The following CDH13 variants were observed in gnomAD, a reference collection of about 807,000 sequenced individuals.
CDH13 encodes cadherin-13.
A neutral mutation model predicts 63.8 loss-of-function variants in CDH13; 24 were observed. That is an observed-to-expected ratio of 0.38 (90% CI 0.27 to 0.53). The LOEUF is 0.53. Among genes scored for constraint, CDH13 ranks in the 20% least tolerant of loss-of-function variants. The pLI, the probability that CDH13 is intolerant of heterozygous loss-of-function variation, is 0.85. For missense variants in CDH13, 1,049 were observed against 903.1 expected (o/e 1.16, Z -2.07); for synonymous variants, 503 against 355.3 (o/e 1.42, Z -4.67).
intron 1 of CDH13, among the ~76,000 whole-genome samples, chr16:82,713,365 G>T (rs757422015): frequency 6.6e-6 from 1 of 152,092 alleles, no homozygotes; most frequent in Non-Finnish European, 1.5e-5. Context: ...CTGATTTGAA[G>T]TACCTGCATG....
chr16:83,301,670 C>T (rs770239196), intron 5 of CDH13, among the ~76,000 whole-genome samples: 12 of 152,118 alleles, frequency 7.9e-5, no homozygotes, highest in African/African-American at 2.7e-4. Context: ...TTGAAATCTC[C>T]AGCTTGAACG....
At chr16:83,476,794 A>G (rs1322731712) in intron 6 of CDH13, among the ~76,000 whole-genome samples, 2 of 152,240 alleles carry the variant, frequency 1.3e-5, no homozygotes, top group East Asian at 1.9e-4. Context: ...GGCTAATTCA[A>G]TATAAAGAGT....
At chr16:82,797,242 A>G (rs2036627266) in intron 1 of CDH13, among the ~76,000 whole-genome samples, 1 of 152,210 alleles carries the variant, frequency 6.6e-6, no homozygotes, top group Admixed American at 6.5e-5. Flanking sequence ...GTGTGTTACC[A>G]GTGTGATTTG....
At chr16:83,400,307 A>G (rs1326777286) in intron 6 of CDH13, among the ~76,000 whole-genome samples, 1 of 152,166 alleles carries the variant, frequency 6.6e-6, no homozygotes, top group Non-Finnish European at 1.5e-5. Flanking sequence ...GTTAGAGATC[A>G]AGTGTTTGGC....
At chr16:83,791,784 C>T (rs1332935186) in intron 13 of CDH13, among the ~76,000 whole-genome samples, 1 of 144,364 alleles carries the variant, frequency 6.9e-6, no homozygotes, top group Non-Finnish European at 1.5e-5. Flanking sequence ...GCACTCCAGC[C>T]TGGGCAACAG....
At chr16:82,814,098 G>C (rs1253782053) in intron 1 of CDH13, among the ~76,000 whole-genome samples, 1 of 152,080 alleles carries the variant, frequency 6.6e-6, no homozygotes, top group African/African-American at 2.4e-5. Flanking sequence ...AAAGTGCCTG[G>C]CTGTGATTAT....
intron 7 of CDH13, among the ~76,000 whole-genome samples, chr16:83,579,926 G>A (rs1431464710): frequency 1.3e-5 from 2 of 152,150 alleles, no homozygotes; most frequent in Admixed American, 6.5e-5. Flanking sequence ...CTATGAGCAT[G>A]TGCTTACCTG....
At chr16:83,564,197 G>A (rs771105759) in intron 7 of CDH13, among the ~76,000 whole-genome samples, 2 of 152,118 alleles carry the variant, frequency 1.3e-5, no homozygotes, top group Non-Finnish European at 2.9e-5. Flanking sequence ...CAGGTACCAG[G>A]TGAATCCCCA....
At chr16:82,670,023 G>T (rs1282846960) in intron 1 of CDH13, among the ~76,000 whole-genome samples, 1 of 152,336 alleles carries the variant, frequency 6.6e-6, no homozygotes, top group South Asian at 2.1e-4. Context: ...TCAAGGAGCA[G>T]ATACGGACTG....
intron 1 of CDH13, among the ~76,000 whole-genome samples, chr16:82,754,715 C>CA (rs1320870478): frequency 1.3e-5 from 2 of 152,122 alleles, no homozygotes. Context: ...GATTATATGG[C>CA]AAAATGCAAA....
chr16:83,202,440 A>G (rs1384578568), intron 4 of CDH13, among the ~76,000 whole-genome samples: 1 of 152,304 alleles, frequency 6.6e-6, no homozygotes, highest in Admixed American at 6.5e-5. Context: ...GATTTTAATC[A>G]GGGCATGATC....
intron 5 of CDH13, among the ~76,000 whole-genome samples, chr16:83,221,716 G>T (rs533327691): frequency 6.6e-6 from 1 of 152,170 alleles, no homozygotes; most frequent in South Asian, 2.1e-4. Context: ...AGGAAGCATG[G>T]CCAAGACCAT....
Position 83,179,320 on chromosome 16 carries a change from C to T in CDH13, c.484-38025C>T, listed in dbSNP as rs554366002. ...CCTTAAATCTCTCAACCCTATCAGG[C>T]ACATGCTAACAGGACCATGATTTTA... On this transcript the variant is annotated intron_variant, in intron 4 of 13. Transcript: ENST00000567109. 1.7e-4 allele frequency among the ~76,000 whole-genome samples: 26 copies of T among 152,066 alleles called. No individual in the cohort carries two copies. The South Asian group carries it at 5.2e-3, about 30-fold the overall frequency.
intron 4 of CDH13, among the ~76,000 whole-genome samples, chr16:83,191,520 C>T (rs1305256593): frequency 2.5e-4 from 22 of 88,470 alleles, no homozygotes; most frequent in Non-Finnish European, 3.8e-4. Flanking sequence ...CACACACACA[C>T]ACACACACAC....
At chr16:83,594,495 C>A (rs1315188710) in intron 7 of CDH13, among the ~76,000 whole-genome samples, 2 of 152,112 alleles carry the variant, frequency 1.3e-5, no homozygotes, top group African/African-American at 4.8e-5. Flanking sequence ...CTTCGTGGAG[C>A]CTCTGTGCTG....
At chr16:83,228,777 A>C (rs1016006302) in intron 5 of CDH13, among the ~76,000 whole-genome samples, 3 of 152,196 alleles carry the variant, frequency 2.0e-5, no homozygotes, top group African/African-American at 7.2e-5. Flanking sequence ...GAGCTTAGAC[A>C]TGATACTCCT....
At chr16:83,017,516 C>T (rs1224507111) in intron 2 of CDH13, among the ~76,000 whole-genome samples, 1 of 152,194 alleles carries the variant, frequency 6.6e-6, no homozygotes. Context: ...GATGTGTGAC[C>T]TTAAGAAATG....
At chr16:83,716,165 G>C (rs1270897567) in intron 10 of CDH13, among the ~76,000 whole-genome samples, 3 of 152,114 alleles carry the variant, frequency 2.0e-5, no homozygotes, top group African/African-American at 7.2e-5. Flanking sequence ...GGTACAGGGA[G>C]TTCTCACATG....
intron 1 of CDH13, among the ~76,000 whole-genome samples, chr16:82,674,979 C>G (rs1449082971): frequency 1.3e-5 from 2 of 152,174 alleles, no homozygotes; most frequent in Non-Finnish European, 2.9e-5. Context: ...AAGAAAGAGT[C>G]TCTCAAAGCT....
Sources: gnomAD v4.1 joint callset for allele counts (sites outside exome capture counted in the v4.1 genomes callset) on GRCh38, gnomAD v4.1.1 for gene constraint, MANE v1.5 for transcripts, NCBI Gene and HGNC (gene_info 2026-07-23, HGNC 2026-07-21) for gene names.